Variants in TOX observed in about 807,000 individuals in gnomAD.
TOX encodes thymocyte selection associated high mobility group box.
In TOX, 11 loss-of-function variants were observed where a neutral mutation model predicts 53.7. The ratio of observed to expected loss-of-function variants is 0.20; its 90% CI spans 0.13 to 0.34. The LOEUF (loss-of-function observed/expected upper bound fraction) is 0.34. Among genes scored for constraint, TOX ranks in the 10% least tolerant of loss-of-function variants. TOX has a pLI of 1.00. For synonymous variants in TOX, 225 were observed against 245.3 expected (o/e 0.92, Z 0.77); for missense variants, 570 against 664.6 (o/e 0.86, Z 1.56).
At chr8:58,870,237 T>C (rs947977810) in intron 3 of TOX, among the ~76,000 whole-genome samples, 3 of 152,074 alleles carry the variant, frequency 2.0e-5, no homozygotes, top group African/African-American at 7.2e-5. Flanking sequence ...ATGGAGGATA[T>C]AAGGCTTTCC....
At chr8:59,015,156 A>C (rs998567346) in intron 1 of TOX, among the ~76,000 whole-genome samples, 8 of 152,250 alleles carry the variant, frequency 5.3e-5, no homozygotes, top group Admixed American at 3.9e-4. Context: ...CGGGACAGCC[A>C]GTCTGTAATC....
At chr8:59,035,484 C>T (rs952134983) in intron 1 of TOX, among the ~76,000 whole-genome samples, 6 of 152,206 alleles carry the variant, frequency 3.9e-5, no homozygotes. Context: ...AAACGATCCT[C>T]TGTGTCAGCC....
At chr8:58,951,136 C>T (rs192232983) in intron 2 of TOX, among the ~76,000 whole-genome samples, 3 of 152,252 alleles carry the variant, frequency 2.0e-5, no homozygotes, top group Admixed American at 1.3e-4. Context: ...GCCTAGCTGA[C>T]CAAGGATGGA....
chr8:58,946,316 A>G (rs1030883946), intron 2 of TOX, among the ~76,000 whole-genome samples: 4 of 152,210 alleles, frequency 2.6e-5, no homozygotes, highest in Admixed American at 6.5e-5. Flanking sequence ...AAGTAAAGAT[A>G]TTACATGTAA....
At chr8:59,102,885 C>T (rs914821012) in intron 1 of TOX, among the ~76,000 whole-genome samples, 2 of 152,092 alleles carry the variant, frequency 1.3e-5, no homozygotes, top group Non-Finnish European at 2.9e-5. Flanking sequence ...TATACCTGCC[C>T]CCACTTCACC....
chr8:59,077,284 C>T (rs553646381), intron 1 of TOX, among the ~76,000 whole-genome samples: 1 of 152,360 alleles, frequency 6.6e-6, no homozygotes, highest in African/African-American at 2.4e-5. Context: ...TACTTCCTAA[C>T]CCTGTTTCAG....
intron 1 of TOX, among the ~76,000 whole-genome samples, chr8:58,972,135 T>C (rs1813013493): frequency 6.6e-6 from 1 of 152,226 alleles, no homozygotes; most frequent in African/African-American, 2.4e-5. Context: ...TGTATATATA[T>C]ATGTGCATGT....
At chr8:59,085,478 T>G (rs528059810) in intron 1 of TOX, among the ~76,000 whole-genome samples, 140 of 152,194 alleles carry the variant, frequency 9.2e-4, no homozygotes, top group African/African-American at 3.1e-3. Flanking sequence ...AGACCCAACC[T>G]CCCAGGCTCA....
At chr8:58,902,178 TTTTCCTTAAC>T (rs566266494) in intron 3 of TOX, among the ~76,000 whole-genome samples, 9 of 152,290 alleles carry the variant, frequency 5.9e-5, no homozygotes, top group East Asian at 5.8e-4. Context: ...TCTTCCCCCT[TTTTCCTTAAC>T]TTGGTGTGTA....
chr8:59,025,291 A>T (rs578018837), intron 1 of TOX, among the ~76,000 whole-genome samples: 10 of 152,238 alleles, frequency 6.6e-5, no homozygotes, highest in Non-Finnish European at 1.3e-4. Context: ...GGGGTGTTTT[A>T]TGCAAAAAGA....
intron 1 of TOX, among the ~76,000 whole-genome samples, chr8:59,089,983 C>T (rs1010313): frequency 0.31 from 46,766 of 152,110 alleles, 11,799 homozygotes; most frequent in African/African-American, 0.69. Context: ...CTGAAGGCCC[C>T]ATCAGATTCA....
intron 1 of TOX, among the ~76,000 whole-genome samples, chr8:58,988,043 T>C (rs994574665): frequency 6.6e-6 from 1 of 152,188 alleles, no homozygotes; most frequent in South Asian, 2.1e-4. Flanking sequence ...TTTTGCAGTT[T>C]GATTAATAAC....
chr8:59,108,949 T>C (rs1314815229), intron 1 of TOX, among the ~76,000 whole-genome samples: 3 of 152,212 alleles, frequency 2.0e-5, no homozygotes, highest in Non-Finnish European at 4.4e-5. Context: ...CACGTGAATA[T>C]GTTCTTTGTG....
chr8:59,054,966 AAGGAAGGGACGGAGGG>A (rs1430618906), intron 1 of TOX, among the ~76,000 whole-genome samples: 62 of 133,904 alleles, frequency 4.6e-4, no homozygotes, highest in African/African-American at 1.8e-3. Flanking sequence ...GGGAGGGAGG[AAGGAAGGGACGGAGGG>A]AGGGAGGGAG....
chr8:59,094,278 C>T (rs1048750630), intron 1 of TOX, among the ~76,000 whole-genome samples: 2 of 152,038 alleles, frequency 1.3e-5, no homozygotes, highest in Non-Finnish European at 2.9e-5. Context: ...TATTTTATTT[C>T]TGTATGAGTG....
chr8:58,956,548 G>A (rs1158470354), intron 2 of TOX, among the ~76,000 whole-genome samples: 1 of 152,206 alleles, frequency 6.6e-6, no homozygotes, highest in Non-Finnish European at 1.5e-5. Context: ...TATTTTGTGT[G>A]TGTGTGGCAA....
chr8:58,848,457 A>T (rs190152102), intron 4 of TOX, among the ~76,000 whole-genome samples: 6 of 152,256 alleles, frequency 3.9e-5, no homozygotes, highest in African/African-American at 1.4e-4. Context: ...CACGAAATTT[A>T]TAAGAGACAC....
chr8:59,037,612 G>T (rs1585979270), intron 1 of TOX, among the ~76,000 whole-genome samples: 1 of 152,062 alleles, frequency 6.6e-6, no homozygotes, highest in African/African-American at 2.4e-5. Context: ...AACCAGCCTG[G>T]CCAACATGGT....
intron 1 of TOX, among the ~76,000 whole-genome samples, chr8:58,973,371 G>A (rs1465392696): frequency 6.6e-6 from 1 of 152,182 alleles, no homozygotes; most frequent in Non-Finnish European, 1.5e-5. Flanking sequence ...CTTTTATGTA[G>A]GTTATAAACA....
Sources: allele counts gnomAD v4.1 joint callset (sites outside exome capture counted in the v4.1 genomes callset), GRCh38; gene constraint gnomAD v4.1.1; transcripts MANE v1.5; gene names NCBI Gene and HGNC (gene_info 2026-07-23, HGNC 2026-07-21).